PRELID2: variants seen among roughly 807,000 people sequenced by gnomAD.
The protein encoded by PRELID2 is PRELI domain containing 2.
Under a neutral mutation model 28.4 loss-of-function variants are expected in PRELID2, and 25 were observed. The observed-to-expected ratio is 0.88, with a 90% CI of 0.64 to 1.23. The LOEUF (loss-of-function observed/expected upper bound fraction) is 1.23. Ranked by LOEUF, PRELID2 falls within the 50% of genes most tolerant of loss-of-function variation. The probability of loss-of-function intolerance (pLI) is 0.00; values close to 1 mark genes in which losing one functional copy is unlikely to be tolerated. For synonymous variants in PRELID2, 76 were observed against 71.6 expected (o/e 1.06, Z -0.31); for missense variants, 201 against 214.4 (o/e 0.94, Z 0.39).
At chr5:145,556,103 G>A (rs1045987404) in intron 1 of PRELID2, among the ~76,000 whole-genome samples, 3 of 151,022 alleles carry the variant, frequency 2.0e-5, no homozygotes, top group Non-Finnish European at 2.9e-5. Flanking sequence ...GCTTGAACTC[G>A]GGAGGCGGAA....
At chr5:145,343,472 T>C in the PRELID2 span, among the ~76,000 whole-genome samples, 1 of 148,808 alleles carries the variant, frequency 6.7e-6, no homozygotes, top group Non-Finnish European at 1.5e-5. Flanking sequence ...TTAAAACAAA[T>C]GAAAAAAAAA....
At chr5:145,689,712 C>A (rs1023073858) in intron 1 of PRELID2, among the ~76,000 whole-genome samples, 9 of 152,130 alleles carry the variant, frequency 5.9e-5, no homozygotes, top group African/African-American at 1.9e-4. Flanking sequence ...TGAAGCCCAC[C>A]CAACAGTCAG....
chr5:145,450,136 T>A, the PRELID2 span, among the ~76,000 whole-genome samples: 327 of 152,304 alleles, frequency 2.1e-3, 1 homozygote, highest in African/African-American at 7.6e-3. Flanking sequence ...AATAGCTTCT[T>A]AAATACAGTC....
At chr5:145,782,577 G>T (rs1237420097) in intron 5 of PRELID2, among the ~76,000 whole-genome samples, 1 of 152,184 alleles carries the variant, frequency 6.6e-6, no homozygotes, top group Admixed American at 6.5e-5. Flanking sequence ...AGAAGGCATA[G>T]ATTAAAAATA....
chr5:145,828,319 G>A (rs1398636660), intron 1 of PRELID2, among the ~76,000 whole-genome samples: 1 of 152,170 alleles, frequency 6.6e-6, no homozygotes, highest in Admixed American at 6.5e-5. Context: ...ACTAACAAAT[G>A]AATCAACACT....
At chr5:145,555,580 A>C (rs1353968113) in intron 1 of PRELID2, among the ~76,000 whole-genome samples, 1 of 152,218 alleles carries the variant, frequency 6.6e-6, no homozygotes, top group Admixed American at 6.5e-5. Flanking sequence ...CCAGGAATAC[A>C]ACTGGACAGC....
At chr5:145,530,180 G>A (rs1752642786) in intron 1 of PRELID2, among the ~76,000 whole-genome samples, 1 of 152,062 alleles carries the variant, frequency 6.6e-6, no homozygotes, top group Non-Finnish European at 1.5e-5. Context: ...CTAGTCCAAT[G>A]CCCTCTCCAG....
chr5:145,520,052 T>A (rs1184398076), intron 1 of PRELID2, among the ~76,000 whole-genome samples: 2 of 152,212 alleles, frequency 1.3e-5, no homozygotes, highest in Non-Finnish European at 2.9e-5. Context: ...GAGCACCTAG[T>A]GAGAACCTAG....
chr5:145,662,507 C>CCCTT (rs1754513530), intron 1 of PRELID2, among the ~76,000 whole-genome samples: 1 of 152,004 alleles, frequency 6.6e-6, no homozygotes, highest in African/African-American at 2.4e-5. Flanking sequence ...TTTGAATGCC[C>CCCTT]CCTTCAAAAC....
chr5:145,293,051 A>G, the PRELID2 span, among the ~76,000 whole-genome samples: 1 of 152,114 alleles, frequency 6.6e-6, no homozygotes, highest in Admixed American at 6.6e-5. Context: ...AATTCTCATG[A>G]AAATCCAGAG....
At chr5:145,517,681 C>T (rs1752528609) in intron 1 of PRELID2, among the ~76,000 whole-genome samples, 2 of 152,154 alleles carry the variant, frequency 1.3e-5, no homozygotes, top group South Asian at 2.1e-4. Flanking sequence ...ACTATAAAGA[C>T]ACATGCACAT....
the PRELID2 span, among the ~76,000 whole-genome samples, chr5:145,415,508 T>C: frequency 6.3e-5 from 9 of 142,388 alleles, no homozygotes; most frequent in East Asian, 2.3e-4. Context: ...TCAATTCCCA[T>C]CTATGAGCGA....
chr5:145,453,398 AG>A, the PRELID2 span, among the ~76,000 whole-genome samples: 12 of 152,178 alleles, frequency 7.9e-5, no homozygotes, highest in Non-Finnish European at 1.3e-4. Context: ...TTATCTCAAA[AG>A]CAGTTCACTC....
chr5:145,370,041 A>C, the PRELID2 span, among the ~76,000 whole-genome samples: 1 of 151,968 alleles, frequency 6.6e-6, no homozygotes, highest in African/African-American at 2.4e-5. Context: ...AGATAGATAG[A>C]TTGCAAAAGT....
At chr5:145,243,633 C>T in the PRELID2 span, among the ~76,000 whole-genome samples, 1 of 151,908 alleles carries the variant, frequency 6.6e-6, no homozygotes, top group Non-Finnish European at 1.5e-5. Context: ...AAAATATTTC[C>T]TATTCATTGA....
At chr5:145,511,539 C>T (rs959507294) in intron 1 of PRELID2, among the ~76,000 whole-genome samples, 1 of 152,182 alleles carries the variant, frequency 6.6e-6, no homozygotes. Context: ...GCTGTTCTTA[C>T]GTGACAGTAT....
intron 5 of PRELID2, among the ~76,000 whole-genome samples, chr5:145,777,543 T>C (rs566383675): frequency 6.6e-6 from 1 of 152,324 alleles, no homozygotes; most frequent in African/African-American, 2.4e-5. Flanking sequence ...ATGGTAATGA[T>C]AATGATGGCA....
At chr5:145,470,343 T>A (rs1466990930), downstream of PRELID2, among the ~76,000 whole-genome samples, 1 of 152,154 alleles carries the variant, frequency 6.6e-6, no homozygotes, top group Non-Finnish European at 1.5e-5. Context: ...TTCAAACTCA[T>A]GCTAACAGGA....
At chr5:145,386,403 A>G in the PRELID2 span, among the ~76,000 whole-genome samples, 1 of 152,086 alleles carries the variant, frequency 6.6e-6, no homozygotes, top group Admixed American at 6.6e-5. Flanking sequence ...AGTTTCTCCC[A>G]TGCTGTTCTC....
Sources: gnomAD v4.1 joint callset for allele counts (sites outside exome capture counted in the v4.1 genomes callset) on GRCh38, gnomAD v4.1.1 for gene constraint, MANE v1.5 for transcripts, NCBI Gene and HGNC (gene_info 2026-07-23, HGNC 2026-07-21) for gene names.